The following PAOX variants were observed in gnomAD, a reference collection of about 807,000 sequenced individuals.
PAOX encodes polyamine oxidase.
Under a neutral mutation model 39.0 loss-of-function variants are expected in PAOX, and 38 were observed. The ratio of observed to expected loss-of-function variants is 0.97; its 90% confidence interval spans 0.75 to 1.28. The LOEUF (loss-of-function observed/expected upper bound fraction) is 1.28, where lower values mean the gene tolerates loss of function less well. Ranked by LOEUF, PAOX falls within the 50% of genes most tolerant of loss-of-function variation. The probability of loss-of-function intolerance (pLI) is 0.00; values close to 1 mark genes in which losing one functional copy is unlikely to be tolerated. For synonymous variants in PAOX, 311 were observed against 314.4 expected (o/e 0.99, Z 0.11); for missense variants, 667 against 685.7 (o/e 0.97, Z 0.30).
intron 5 of PAOX, 29 bp downstream of exon 5, chr10:133,389,097 T>C: frequency 3.3e-6 from 5 of 1,515,834 alleles, no homozygotes; most frequent in Non-Finnish European, 4.6e-6. Flanking sequence ...CGCTGGTTCC[T>C]GCCTCTGCTC....
chr10:133,381,333 G>A, intron 2 of PAOX, 127 bp from the exon 3 acceptor site: 1 of 836,626 alleles, frequency 1.2e-6, no homozygotes, highest in Non-Finnish European at 1.9e-6. Context: ...CTCCTTGCTG[G>A]CCCTGAGCGA....
chr10:133,384,144 T>G lies in PAOX; in HGVS notation c.1053T>G (p.Asp351Glu), dbSNP rs908614438. ...GGGAGGACACGTCGCCCCTGGAGGA[T>G]GCTGCCCCTGAGCTACAGGACGCCT... The part of the protein sequence containing the change: ...LVWEDTSPLE[D>E]AAPELQDAWF... The change falls in exon 4 of 7, where the codon GAT becomes GAG. Residue 351 changes from aspartate to glutamate, a missense_variant. Transcript: ENST00000278060. This position sits in a 1 kb window ranked among gnomAD's most constrained non-coding sequence, Gnocchi z 4.3. 1.2e-6 allele frequency: 2 copies of G among 1,614,044 alleles called. No homozygotes were observed. The highest frequency in any genetic ancestry group is 1.3e-5 in the African/African-American group (1 of 74,922).
intron 5 of PAOX, 89 bp downstream of exon 5, chr10:133,389,157 A>C: frequency 8.9e-7 from 1 of 1,121,628 alleles, no homozygotes; most frequent in African/African-American, 1.5e-5. Context: ...AACAGAGAAA[A>C]ACTAAATTTG....
chr10:133,381,017 T>G (rs1205987985), intron 2 of PAOX, among the ~76,000 whole-genome samples: 1 of 152,190 alleles, frequency 6.6e-6, no homozygotes, highest in African/African-American at 2.4e-5. Context: ...CTTCTCTTGC[T>G]CCTGTATTTA....
intron 4 of PAOX, among the ~76,000 whole-genome samples, chr10:133,385,580 A>G (rs1412511262): frequency 6.6e-6 from 1 of 152,050 alleles, no homozygotes; most frequent in African/African-American, 2.4e-5. Context: ...CCCCATGATA[A>G]ATAAAATATT....
rs1201111576 is a variant in PAOX, at chr10:133,380,255, C to A, written c.438C>A (p.His146Gln). ...GLIDQTREFL[H>Q]AAETPVPSVG... ...TAGACCAGACCCGGGAGTTCCTGCA[C>A]GCTGCAGAGACCCCGGTGCCCAGCG... The change falls in exon 2 of 7, where the codon CAC becomes CAA. Residue 146 changes from histidine (H) to glutamine (Q), a missense_variant. Transcript: ENST00000278060. 6.2e-7 allele frequency: 1 copy of A among 1,612,904 alleles called. No individual in the cohort carries two copies. The highest frequency in any genetic ancestry group is 2.2e-5 in the East Asian group (1 of 44,868).
chr10:133,391,273 G>C (rs374389527), intron 6 of PAOX, 39 bp from the exon 7 acceptor site: 6 of 1,594,358 alleles, frequency 3.8e-6, no homozygotes, highest in Non-Finnish European at 5.2e-6. Flanking sequence ...CCTGCTGTCT[G>C]AATTGCATCC....
In PAOX at chr10:133,381,538, C is replaced by T. The variant is rs143509300; in HGVS notation, c.747C>T (p.Thr249=). 1.9e-6 allele frequency: 3 copies of T among 1,613,804 alleles called. No homozygotes were observed. Among genetic ancestry groups the T allele is most frequent in the Non-Finnish European group, 2.5e-6 (3 of 1,180,030 alleles). The part of the protein sequence containing the change: ...DTVVFEKPVK[T]IHWNGSFQEA... ...TAGTTTTTGAGAAGCCTGTGAAGAC[C>T]ATCCACTGGAACGGGTCCTTCCAGG... The change falls in exon 3 of 7, where the codon ACC becomes ACT. Residue 249 remains threonine, a synonymous_variant. Coordinates refer to ENST00000278060, the MANE Select transcript of PAOX (RefSeq NM_152911.4).
chr10:133,389,796 C>A, intron 6 of PAOX, 49 bp downstream of exon 6: 2 of 1,411,570 alleles, frequency 1.4e-6, no homozygotes, highest in Non-Finnish European at 1.8e-6. Context: ...TGCAGAGGCC[C>A]CCGCCGAGTC....
intron 5 of PAOX, 22 bp from the exon 6 acceptor site, chr10:133,389,568 A>G: frequency 3.7e-6 from 6 of 1,613,722 alleles, no homozygotes; most frequent in Non-Finnish European, 4.2e-6. Flanking sequence ...CTCGGTTAAC[A>G]TGCAGTGTCT....
chr10:133,379,984 G>A lies in PAOX; in HGVS notation c.182-15G>A. 6.6e-7 allele frequency: 1 copy of A among 1,507,210 alleles called. No individual in the cohort carries two copies. Among genetic ancestry groups the A allele is most frequent in the East Asian group, 2.3e-5 (1 of 44,030 alleles). 93.4% of individuals were successfully genotyped at this position (1,507,210 alleles called of 1,614,324 possible). A position where few individuals can be genotyped will look rare whatever the true frequency, so the allele number is the denominator to read the frequency against. On this transcript the variant is annotated splice_polypyrimidine_tract_variant and intron_variant, in intron 1 of 6. Transcript: ENST00000278060. ...GGAAAGGGACCTCCAGGTGGCATCT[G>A]CTGTCCCCTCGCAGGTGGCGTGGTG...
chr10:133,379,705 C>A, intron 1 of PAOX: 1 of 544,366 alleles, frequency 1.8e-6, no homozygotes, highest in Non-Finnish European at 2.8e-6. Flanking sequence ...GGAAGGCGAC[C>A]TACGGCTCCA....
intron 6 of PAOX, among the ~76,000 whole-genome samples, chr10:133,390,404 C>T (rs917264247): frequency 2.4e-5 from 3 of 124,060 alleles, no homozygotes; most frequent in Non-Finnish European, 4.9e-5. Context: ...TAGTGAGAGT[C>T]GGTCTCCACA....
intron 6 of PAOX, among the ~76,000 whole-genome samples, chr10:133,390,446 A>ACACG (rs1554889447): frequency 7.1e-6 from 1 of 141,822 alleles, no homozygotes; most frequent in Admixed American, 7.1e-5. Context: ...ACACACACAC[A>ACACG]AGTAGCCAGG....
At position 133,384,328 on chromosome 10, in the gene PAOX, G is replaced by T; in HGVS notation, c.1121+116G>T. The T allele has an allele frequency of 6.8e-7, 1 of 1,465,782 alleles. No homozygotes were observed. The allele number at this position is 1,465,782 out of a possible 1,614,324, so 90.8% of individuals were successfully genotyped here. A position where few individuals can be genotyped will look rare whatever the true frequency, so the allele number is the denominator to read the frequency against. Reference sequence around the variant, plus strand: ...GTATTTCTAGGGGGTTTAATGGGTAGGGTTCCCATGAGCGCCCCCCCACCA... The same window carrying T: ...GTATTTCTAGGGGGTTTAATGGGTATGGTTCCCATGAGCGCCCCCCCACCA... On this transcript the variant is annotated intron_variant, in intron 4 of 6. Coordinates refer to ENST00000278060, the MANE Select transcript of PAOX (RefSeq NM_152911.4). This position sits in a 1 kb window ranked among gnomAD's most constrained non-coding sequence, Gnocchi z 4.3.
At chr10:133,391,004 G>A in intron 6 of PAOX, 2 of 699,938 alleles carry the variant, frequency 2.9e-6, no homozygotes, top group Non-Finnish European at 5.2e-6. Flanking sequence ...ATGCGTGTGA[G>A]CCGTTTTCCC....
chr10:133,384,094 G>C lies in PAOX; in HGVS notation c.1003G>C (p.Asp335His), dbSNP rs1564811773. The C allele has an allele frequency of 3.1e-6, 5 of 1,614,200 alleles. No individual in the cohort carries two copies. The highest frequency in any genetic ancestry group is 4.2e-6 in the Non-Finnish European group (5 of 1,180,028). ...GTTTGAGGAGCCCTTCTGGGAGCCA[G>C]ACTGCCAGCTGATCCAGCTGGTGTG... ...LEFEEPFWEP[D>H]CQLIQLVWED... The change falls in exon 4 of 7, where the codon GAC becomes CAC. Residue 335 changes from aspartate to histidine, a missense_variant. By Grantham distance (81) the Asp-to-His change is moderately conservative. Transcript: ENST00000278060. This position sits in a 1 kb window ranked among gnomAD's most constrained non-coding sequence, Gnocchi z 4.3.
rs1849619275 is a variant in PAOX at position 133,389,653 on chromosome 10, C to T, written c.1298C>T (p.Thr433Ile). ...TCTCGCTGGCACAGCGCCCCGTACA[C>T]TAGGGGGTCCTACAGCTACGTGGCC... is the stretch of plus-strand genomic sequence containing the variant. ...LRSRWHSAPY[T>I]RGSYSYVAVG... The change falls in exon 6 of 7, where the codon ACT (threonine) becomes ATT (isoleucine). Residue 433 changes from threonine to isoleucine, a missense_variant. Thr to Ile is a moderately conservative substitution (Grantham distance 89). Coordinates refer to ENST00000278060, the MANE Select transcript of PAOX (RefSeq NM_152911.4). 1 of 1,613,094 alleles carries T rather than the reference C, an allele frequency of 6.2e-7. No individual in the cohort carries two copies. The highest frequency in any genetic ancestry group is 1.3e-5 in the African/African-American group (1 of 74,944).
intron 6 of PAOX, 30 bp downstream of exon 6, chr10:133,389,777 G>A: frequency 7.0e-7 from 1 of 1,437,546 alleles, no homozygotes; most frequent in Non-Finnish European, 9.1e-7. Context: ...CGGGGGGCGT[G>A]GGTCCCGCTG....
Sources: allele counts gnomAD v4.1 joint callset (sites outside exome capture counted in the v4.1 genomes callset), GRCh38; gene constraint gnomAD v4.1.1; non-coding constraint Gnocchi (gnomAD v3.1); transcripts MANE v1.5; gene names NCBI Gene and HGNC (gene_info 2026-07-23, HGNC 2026-07-21).